Variants in RNF38 observed in about 807,000 individuals in gnomAD.
RNF38 encodes E3 ubiquitin-protein ligase RNF38.
RNF38 carries 15 observed loss-of-function variants against 67.2 expected under a neutral mutation model. That is an observed-to-expected ratio of 0.22 (90% CI 0.15 to 0.34). RNF38 has a LOEUF of 0.34. Among genes scored for constraint, RNF38 ranks in the 10% least tolerant of loss-of-function variants. The pLI is 1.00. For missense variants in RNF38, 524 were observed against 639.9 expected (o/e 0.82, Z 1.95); for synonymous variants, 220 against 218.8 (o/e 1.01, Z -0.05).
chr9:36,352,567 CTA>C (rs1391161232), intron 8 of RNF38, among the ~76,000 whole-genome samples, 173 bp downstream of exon 8: 1 of 152,092 alleles, frequency 6.6e-6, no homozygotes, highest in Non-Finnish European at 1.5e-5. Flanking sequence ...CCCATTTCTC[CTA>C]TGTTACTGTT....
rs138645269 is a variant in RNF38, at chr9:36,415,449, A to G, written n.312+9164T>C. On this transcript the variant is annotated intron_variant and non_coding_transcript_variant, in intron 2 of 3. Transcript: ENST00000488058. ...TTTTTTTGTTTTTTTGTTTTTTTCT[A>G]ATGTCAGAGGAAAGATCTGGGGCTC... 4.0e-5 allele frequency among the ~76,000 whole-genome samples: 6 copies of G among 151,450 alleles called. No homozygotes were observed. The East Asian group carries it at 1.2e-3, about 29-fold the overall frequency.
intron 1 of RNF38, among the ~76,000 whole-genome samples, chr9:36,475,365 T>TTG (rs963041519): frequency 6.6e-6 from 1 of 151,836 alleles, no homozygotes; most frequent in African/African-American, 2.4e-5. Context: ...CATTATCTTT[T>TTG]TGTGTGTGTG....
At chr9:36,463,311 C>T (rs1010797115) in intron 1 of RNF38, among the ~76,000 whole-genome samples, 13 of 152,118 alleles carry the variant, frequency 8.5e-5, no homozygotes, top group Non-Finnish European at 1.6e-4. Context: ...GAGAAAGGCC[C>T]CGCACATTAT....
intron 1 of RNF38, among the ~76,000 whole-genome samples, chr9:36,454,784 A>C (rs1839545858): frequency 6.6e-6 from 1 of 151,754 alleles, no homozygotes; most frequent in Non-Finnish European, 1.5e-5. Context: ...GGGTTTCACC[A>C]TGTTGGCCAG....
chr9:36,445,168 C>T (rs1208526592), intron 1 of RNF38, among the ~76,000 whole-genome samples: 1 of 152,056 alleles, frequency 6.6e-6, no homozygotes, highest in African/African-American at 2.4e-5. Context: ...AGAGAAGGTA[C>T]GCACTTACAG....
intron 2 of RNF38, among the ~76,000 whole-genome samples, chr9:36,385,747 C>A (rs1836576535): frequency 1.3e-5 from 2 of 152,174 alleles, no homozygotes; most frequent in South Asian, 4.1e-4. Flanking sequence ...TGATGAGGTG[C>A]ACCGAAAACT....
At chr9:36,379,826 G>A (rs1836072254) in intron 2 of RNF38, among the ~76,000 whole-genome samples, 4 of 152,110 alleles carry the variant, frequency 2.6e-5, no homozygotes, top group African/African-American at 9.7e-5. Context: ...AGACAGCTCT[G>A]TCATTATATA....
chr9:36,409,141 C>T (rs1838253796), intron 2 of RNF38, among the ~76,000 whole-genome samples: 1 of 151,416 alleles, frequency 6.6e-6, no homozygotes, highest in East Asian at 1.9e-4. Flanking sequence ...GAGCCAAGAT[C>T]ACACCACTGC....
At chr9:36,355,482 T>A (rs1587489709) in intron 6 of RNF38, among the ~76,000 whole-genome samples, 1 of 152,318 alleles carries the variant, frequency 6.6e-6, no homozygotes, top group East Asian at 1.9e-4. Context: ...CTACCTCATC[T>A]GCTTTTCATC....
At chr9:36,385,194 G>A (rs916227149) in intron 2 of RNF38, among the ~76,000 whole-genome samples, 7 of 151,826 alleles carry the variant, frequency 4.6e-5, no homozygotes, top group African/African-American at 2.4e-5. Context: ...TTCTACACAA[G>A]AACAAGGAAC....
At chr9:36,486,907 C>T (rs1840426728) in intron 1 of RNF38, among the ~76,000 whole-genome samples, 1 of 152,096 alleles carries the variant, frequency 6.6e-6, no homozygotes, top group Admixed American at 6.5e-5. Flanking sequence ...TCCTGGGGGC[C>T]GGGGGATCGA....
intron 4 of RNF38, among the ~76,000 whole-genome samples, chr9:36,369,046 T>A (rs1835177625): frequency 6.6e-6 from 1 of 152,040 alleles, no homozygotes; most frequent in Admixed American, 6.6e-5. Context: ...GTACCTGTCA[T>A]CTCCTTGGAG....
At chr9:36,419,811 G>A (rs1009745769) in intron 2 of RNF38, among the ~76,000 whole-genome samples, 3 of 152,126 alleles carry the variant, frequency 2.0e-5, no homozygotes, top group African/African-American at 4.8e-5. Flanking sequence ...AACAAAGTGC[G>A]ACCCTGTCAC....
chr9:36,340,353 C>T (rs1425498213), intron 11 of RNF38, among the ~76,000 whole-genome samples: 1 of 151,618 alleles, frequency 6.6e-6, no homozygotes. Context: ...ACCAAGTTAA[C>T]AACTGACATT....
intron 1 of RNF38, among the ~76,000 whole-genome samples, chr9:36,426,978 G>GTAC (rs1256489921): frequency 1.3e-5 from 2 of 152,164 alleles, no homozygotes; most frequent in Non-Finnish European, 2.9e-5. Flanking sequence ...TCAAGAAATG[G>GTAC]TACTACAATT....
At chr9:36,343,385 G>C (rs1354639311) in intron 10 of RNF38, among the ~76,000 whole-genome samples, 1 of 152,018 alleles carries the variant, frequency 6.6e-6, no homozygotes, top group African/African-American at 2.4e-5. Flanking sequence ...TCTATAATAT[G>C]TATAAAACCT....
rs540376342 is a variant in RNF38, at chr9:36,432,426, G to A, written n.242-7743C>T. 5.7e-4 allele frequency among the ~76,000 whole-genome samples: 87 copies of A among 151,576 alleles called. No homozygotes were observed. The South Asian group carries it at 0.018, about 31-fold the overall frequency. ...GGGATTACAGGCGTTAAGCCACCGC[G>A]CCTAGCTAAATATTAACTTTCTTAT... On this transcript the variant is annotated intron_variant and non_coding_transcript_variant, in intron 1 of 3. Transcript: ENST00000488058.
At chr9:36,438,081 A>G (rs1459321304) in intron 1 of RNF38, among the ~76,000 whole-genome samples, 2 of 152,132 alleles carry the variant, frequency 1.3e-5, no homozygotes, top group African/African-American at 4.8e-5. Flanking sequence ...AGCTGGGACT[A>G]CAAGTGTGTG....
chr9:36,389,220 T>C (rs945673605), intron 2 of RNF38, among the ~76,000 whole-genome samples: 7 of 152,172 alleles, frequency 4.6e-5, no homozygotes, highest in African/African-American at 1.7e-4. Flanking sequence ...CAAATGCAAT[T>C]GGCTCTTTGT....
Sources: allele counts gnomAD v4.1 joint callset (sites outside exome capture counted in the v4.1 genomes callset), GRCh38; gene constraint gnomAD v4.1.1; transcripts MANE v1.5; gene names NCBI Gene and HGNC (gene_info 2026-07-23, HGNC 2026-07-21).